Variants in NEGR1 observed in about 807,000 individuals in gnomAD.
NEGR1 encodes the protein IgLON family member 4.
In NEGR1, 10 loss-of-function variants were observed where a neutral mutation model predicts 40.9. That is an observed-to-expected ratio of 0.24 (90% CI 0.15 to 0.42). The LOEUF is 0.42. NEGR1 is among the 10% of genes least tolerant of loss of function. The probability of loss-of-function intolerance (pLI) is 1.00; values close to 1 mark genes in which losing one functional copy is unlikely to be tolerated. For synonymous variants in NEGR1, 185 were observed against 166.8 expected, an observed-to-expected ratio of 1.11 and a Z score of -0.84; for missense variants, 352 against 438.9, an observed-to-expected ratio of 0.80 and a Z score of 1.77.
rs143411639 is a variant in NEGR1, at chr1:71,999,781, T to C, written c.177-64470A>G. On this transcript the variant is annotated intron_variant, in intron 1 of 6. Coordinates refer to ENST00000357731, the MANE Select transcript of NEGR1 (RefSeq NM_173808.3). ...TACTTTGTTTACATACTATCAATGA[T>C]GCTACTGAGATTTTAAGGCATTGCA... Among the ~76,000 whole-genome samples, 382 of 150,236 alleles carry C rather than the reference T, an allele frequency of 2.5e-3. 2 individuals are homozygous for C. The highest frequency in any genetic ancestry group is 8.9e-3 in the African/African-American group (365 of 40,970).
At chr1:71,700,898 G>A (rs1385854969) in intron 3 of NEGR1, among the ~76,000 whole-genome samples, 4 of 152,054 alleles carry the variant, frequency 2.6e-5, no homozygotes, top group Admixed American at 6.6e-5. Context: ...ATAGAAGAGT[G>A]AGTCAAAGAG....
intron 1 of NEGR1, among the ~76,000 whole-genome samples, chr1:72,106,565 G>T (rs1276082425): frequency 6.6e-6 from 1 of 151,924 alleles, no homozygotes; most frequent in Non-Finnish European, 1.5e-5. Context: ...TAAATTATAA[G>T]ATTTTAATTT....
At chr1:72,153,516 G>C (rs999816914) in intron 1 of NEGR1, among the ~76,000 whole-genome samples, 1 of 151,794 alleles carries the variant, frequency 6.6e-6, no homozygotes, top group African/African-American at 2.4e-5. Flanking sequence ...TGTGATTCTG[G>C]ATGAAGATTT....
chr1:71,446,713 T>C (rs1646584922), intron 6 of NEGR1, among the ~76,000 whole-genome samples: 1 of 152,200 alleles, frequency 6.6e-6, no homozygotes, highest in Non-Finnish European at 1.5e-5. Context: ...TGAAATACAT[T>C]GGAAAAGTGC....
intron 1 of NEGR1, among the ~76,000 whole-genome samples, chr1:72,107,771 A>C (rs950406412): frequency 4.0e-5 from 6 of 151,278 alleles, no homozygotes; most frequent in African/African-American, 7.3e-5. Flanking sequence ...CCATACGTAC[A>C]TCCACCATGT....
intron 4 of NEGR1, among the ~76,000 whole-genome samples, chr1:71,692,924 TTC>T (rs1653342503): frequency 5.9e-5 from 9 of 151,774 alleles, no homozygotes; most frequent in Admixed American, 5.9e-4. Flanking sequence ...ACAAAATAAT[TTC>T]TGATACCAAA....
intron 1 of NEGR1, among the ~76,000 whole-genome samples, chr1:71,979,921 AG>A (rs1646339855): frequency 6.6e-6 from 1 of 152,182 alleles, no homozygotes; most frequent in Non-Finnish European, 1.5e-5. Flanking sequence ...TCTAATGTCA[AG>A]GGTGCCTGCC....
intron 2 of NEGR1, among the ~76,000 whole-genome samples, chr1:71,823,179 C>T (rs1658496751): frequency 6.6e-6 from 1 of 150,878 alleles, no homozygotes; most frequent in African/African-American, 2.4e-5. Context: ...GAGATGCTTC[C>T]TCCAGAGTCC....
chr1:71,671,528 A>G (rs1570178768), intron 4 of NEGR1, among the ~76,000 whole-genome samples: 1 of 152,342 alleles, frequency 6.6e-6, no homozygotes, highest in East Asian at 1.9e-4. Flanking sequence ...GTAAAGGGAA[A>G]AAACTATTTT....
Position 71,534,339 on chromosome 1 carries a change from A to C in NEGR1, c.940+58478T>G, listed in dbSNP as rs532392272. ...GCAGTAGTTATAAAATAAGCTGTCC[A>C]AAAGACATCTTTTGTGGGTATGTGG... On this transcript the variant is annotated intron_variant, in intron 6 of 6. Transcript: ENST00000357731. 3.3e-5 allele frequency among the ~76,000 whole-genome samples: 5 copies of C among 151,762 alleles called. No individual in the cohort carries two copies. In the East Asian group the frequency reaches 7.8e-4, roughly 24 times the overall value.
intron 1 of NEGR1, among the ~76,000 whole-genome samples, chr1:72,266,674 A>T (rs1015128172): frequency 2.0e-5 from 3 of 150,382 alleles, no homozygotes; most frequent in Non-Finnish European, 3.0e-5. Flanking sequence ...TACATACATA[A>T]AAATCTAAAA....
intron 6 of NEGR1, among the ~76,000 whole-genome samples, chr1:71,558,721 TC>T (rs147785258): frequency 1.7e-5 from 2 of 121,040 alleles, no homozygotes; most frequent in African/African-American, 2.9e-5. Flanking sequence ...TTCTTTTCTT[TC>T]TTTTTTTTTT....
At chr1:71,795,000 C>A (rs1206291274) in intron 2 of NEGR1, among the ~76,000 whole-genome samples, 1 of 151,954 alleles carries the variant, frequency 6.6e-6, no homozygotes, top group Non-Finnish European at 1.5e-5. Context: ...AAGAAGTGCA[C>A]CTTCACTTTT....
chr1:71,430,345 A>G (rs530102388), intron 6 of NEGR1, among the ~76,000 whole-genome samples: 49 of 152,218 alleles, frequency 3.2e-4, no homozygotes, highest in African/African-American at 1.1e-3. Flanking sequence ...TTGCCCTAAC[A>G]TATCCTTCCT....
chr1:71,509,953 T>C (rs1647061657), intron 6 of NEGR1, among the ~76,000 whole-genome samples: 1 of 152,242 alleles, frequency 6.6e-6, no homozygotes, highest in South Asian at 2.1e-4. Flanking sequence ...ATATGTGTTA[T>C]GTTGGGTGGG....
intron 3 of NEGR1, among the ~76,000 whole-genome samples, chr1:71,730,569 TTATATATATATA>T (rs56382019): frequency 7.4e-6 from 1 of 134,726 alleles, no homozygotes; most frequent in African/African-American, 2.8e-5. Flanking sequence ...TAGTATAAAT[TTATATATATATA>T]TATATATATA....
chr1:72,137,308 C>A (rs1031552276), intron 1 of NEGR1, among the ~76,000 whole-genome samples: 4 of 152,084 alleles, frequency 2.6e-5, no homozygotes, highest in African/African-American at 7.2e-5. Flanking sequence ...ATGTTTATTG[C>A]AGCACTGTTC....
At chr1:72,098,278 A>C (rs2100237881) in intron 1 of NEGR1, among the ~76,000 whole-genome samples, 1 of 152,158 alleles carries the variant, frequency 6.6e-6, no homozygotes, top group East Asian at 1.9e-4. Flanking sequence ...AGGCTGAAGA[A>C]TGACTGGAAA....
At chr1:71,779,915 A>G (rs1416158422) in intron 2 of NEGR1, among the ~76,000 whole-genome samples, 1 of 152,000 alleles carries the variant, frequency 6.6e-6, no homozygotes, top group East Asian at 1.9e-4. Context: ...AAATGGTGGT[A>G]TAGAGAATTG....
Sources: gnomAD v4.1 joint callset for allele counts (sites outside exome capture counted in the v4.1 genomes callset) on GRCh38, gnomAD v4.1.1 for gene constraint, MANE v1.5 for transcripts, NCBI Gene and HGNC (gene_info 2026-07-23, HGNC 2026-07-21) for gene names.